Variants in PCNX2 observed in about 807,000 individuals in gnomAD.
PCNX2 encodes the protein pecanex-like protein 2.
Under a neutral mutation model 223.8 loss-of-function variants are expected in PCNX2, and 168 were observed. The observed-to-expected ratio is 0.75, with a 90% CI of 0.66 to 0.85. The LOEUF (loss-of-function observed/expected upper bound fraction) is 0.85. PCNX2 is among the 40% of genes least tolerant of loss of function. The pLI, the probability that PCNX2 is intolerant of heterozygous loss-of-function variation, is 0.00. For synonymous variants in PCNX2, 1,006 were observed against 1,052.6 expected (o/e 0.96, Z 0.86); for missense variants, 2,507 against 2,675.5 (o/e 0.94, Z 1.39).
At chr1:233,262,215 A>G (rs1427443549) in intron 2 of PCNX2, 50 bp from the exon 3 acceptor site, 6 of 1,607,504 alleles carry the variant, frequency 3.7e-6, no homozygotes, top group Non-Finnish European at 5.1e-6. Context: ...TATCAAACAG[A>G]AGCATGACTC....
chr1:233,132,892 CTTTTTTTT>C (rs892121349), intron 21 of PCNX2, among the ~76,000 whole-genome samples: 2 of 114,858 alleles, frequency 1.7e-5, no homozygotes, highest in Non-Finnish European at 3.6e-5. Flanking sequence ...CATTTTACAT[CTTTTTTTT>C]TTTTTTTTTT....
intron 4 of PCNX2, chr1:233,259,807 G>A: frequency 1.1e-6 from 1 of 876,372 alleles, no homozygotes; most frequent in Non-Finnish European, 1.4e-6. Flanking sequence ...CTTATTTACG[G>A]CTGCATTGAT....
chr1:233,014,563 A>G (rs1414457715), intron 28 of PCNX2, 102 bp downstream of exon 28: 4 of 866,630 alleles, frequency 4.6e-6, no homozygotes, highest in South Asian at 3.2e-5. Flanking sequence ...AAGTAGTATA[A>G]TAAGTCCAGC....
intron 27 of PCNX2, among the ~76,000 whole-genome samples, chr1:233,015,132 C>T (rs998747774): frequency 6.6e-6 from 1 of 152,174 alleles, no homozygotes; most frequent in Non-Finnish European, 1.5e-5. Flanking sequence ...AAAGGAGAGG[C>T]ATGGTCTAGC....
intron 5 of PCNX2, among the ~76,000 whole-genome samples, chr1:233,254,225 A>G (rs191082245): frequency 1.3e-5 from 2 of 152,352 alleles, no homozygotes; most frequent in Admixed American, 6.5e-5. Flanking sequence ...TGAAACTACC[A>G]TAAGAATTTC....
chr1:233,114,767 A>G (rs955989445), intron 21 of PCNX2, among the ~76,000 whole-genome samples: 2 of 152,064 alleles, frequency 1.3e-5, no homozygotes, highest in Non-Finnish European at 2.9e-5. Context: ...GTGGCCATAA[A>G]CTCCTAGGAA....
At chr1:233,280,011 A>G (rs1661107193) in intron 1 of PCNX2, among the ~76,000 whole-genome samples, 1 of 152,212 alleles carries the variant, frequency 6.6e-6, no homozygotes, top group Admixed American at 6.5e-5. Context: ...AATTGCAGGT[A>G]TGCTTCATCT....
intron 31 of PCNX2, 103 bp from the exon 32 acceptor site, chr1:232,998,541 C>G: frequency 1.5e-6 from 2 of 1,311,358 alleles, no homozygotes; most frequent in Non-Finnish European, 2.1e-6. Context: ...AGAGCGTGCT[C>G]TCCAGGTGAG....
At chr1:233,226,458 T>G (rs768025182) in intron 10 of PCNX2, among the ~76,000 whole-genome samples, 1 of 152,096 alleles carries the variant, frequency 6.6e-6, no homozygotes, top group African/African-American at 2.4e-5. Flanking sequence ...TTAGTAGAGA[T>G]AGGATTTCAC....
At chr1:233,251,046 C>T (rs756925149) in intron 7 of PCNX2, among the ~76,000 whole-genome samples, 7 of 152,014 alleles carry the variant, frequency 4.6e-5, no homozygotes, top group Admixed American at 1.3e-4. Flanking sequence ...AAATTTTCTT[C>T]GACCTGCTTC....
the PCNX2 span, among the ~76,000 whole-genome samples, chr1:233,326,144 C>T: frequency 5.6e-4 from 85 of 152,282 alleles, no homozygotes; most frequent in African/African-American, 1.9e-3. Context: ...TCTTTAGACA[C>T]AATGCTATTG....
chr1:232,986,002 G>C (rs1475846105), intron 33 of PCNX2, 90 bp downstream of exon 33: 2 of 1,376,314 alleles, frequency 1.5e-6, no homozygotes, highest in Non-Finnish European at 2.0e-6. Flanking sequence ...GCAGGCAGAA[G>C]GGTGGGAACG....
intron 23 of PCNX2, among the ~76,000 whole-genome samples, chr1:233,063,697 A>T (rs1446282441): frequency 1.3e-5 from 2 of 152,120 alleles, no homozygotes; most frequent in African/African-American, 4.8e-5. Flanking sequence ...AAAATTTTCT[A>T]TTATTTTCTC....
intron 5 of PCNX2, 54 bp downstream of exon 5, chr1:233,257,974 A>G: frequency 6.5e-7 from 1 of 1,545,690 alleles, no homozygotes; most frequent in Non-Finnish European, 8.7e-7. Flanking sequence ...AAATGGCAAA[A>G]AGGTGTATTG....
the PCNX2 span, among the ~76,000 whole-genome samples, chr1:233,306,941 A>C: frequency 6.6e-6 from 1 of 152,232 alleles, no homozygotes; most frequent in African/African-American, 2.4e-5. Flanking sequence ...TTTCTCTACA[A>C]GTACTCTACC....
At chr1:233,005,071 T>C (rs1670233495) in intron 28 of PCNX2, among the ~76,000 whole-genome samples, 1 of 152,194 alleles carries the variant, frequency 6.6e-6, no homozygotes, top group African/African-American at 2.4e-5. Flanking sequence ...TAATGACCGC[T>C]ACCTGCTCTC....
chr1:233,060,572 A>C (rs183056760), intron 23 of PCNX2, among the ~76,000 whole-genome samples: 14 of 152,340 alleles, frequency 9.2e-5, no homozygotes, highest in Admixed American at 5.9e-4. Flanking sequence ...AGTTTTCTCC[A>C]GTGCTTTCCT....
chr1:232,998,334 C>T lies in PCNX2; in HGVS notation c.5708G>A (p.Gly1903Asp). 1 of 1,613,116 alleles carries T rather than the reference C, an allele frequency of 6.2e-7. No homozygotes were observed. Among genetic ancestry groups the T allele is most frequent in the South Asian group, 1.1e-5 (1 of 90,874 alleles). ...CTGTTCTGCGCTGCTCTCCTGGCTG[C>T]CACCACTCGGGGCATTGTTGCCACC... is the stretch of plus-strand genomic sequence containing the variant. ...TTGGNNAPSGGSQESSAEQPR... is the reference protein window; with the variant it reads ...TTGGNNAPSGDSQESSAEQPR... The change falls in exon 32 of 34, where the codon GGC becomes GAC. Residue 1903 changes from glycine to aspartate, a missense_variant. This residue lies in a region of PCNX2 where 1,372 missense variants were observed against 1,509.4 expected (regional missense o/e 0.91). Transcript: ENST00000258229.
In PCNX2 at chr1:233,263,125, GC is replaced by G; in HGVS notation, c.191del (p.Cys64SerfsTer4). On this transcript the variant is annotated frameshift_variant, in exon 2 of 34. Coordinates refer to ENST00000258229, the MANE Select transcript of PCNX2 (RefSeq NM_014801.4). LOFTEE classifies it high-confidence loss of function. Reference protein sequence around the residue: ...PPNAIIVFFYCSAVTIFFTII... With the variant: ...PPNAIIVFFYXSAVTIFFTII... ...TTGTGAAGAATATAGTCACTGCACT[GC>G]AGTAGAAAAATACAATGATCGCATT... The G allele has an allele frequency of 6.2e-7, 1 of 1,612,328 alleles. No homozygotes were observed. The highest frequency in any genetic ancestry group is 8.5e-7 in the Non-Finnish European group (1 of 1,178,936).
Sources: allele counts gnomAD v4.1 joint callset (sites outside exome capture counted in the v4.1 genomes callset), GRCh38; gene constraint gnomAD v4.1.1; regional missense constraint gnomAD v4.1.1; transcripts MANE v1.5; gene names NCBI Gene and HGNC (gene_info 2026-07-23, HGNC 2026-07-21).